BRIP1: variants seen among roughly 807,000 people sequenced by gnomAD.
BRIP1 encodes the protein BRCA1 interacting DNA helicase 1, also known as Fanconi anemia group J protein.
A neutral mutation model predicts 119.7 loss-of-function variants in BRIP1; 88 were observed. The ratio of observed to expected loss-of-function variants is 0.74; its 90% CI spans 0.62 to 0.88. BRIP1 has a LOEUF of 0.88. Ranked by LOEUF, BRIP1 falls within the 40% of genes least tolerant of loss-of-function variation. The probability of loss-of-function intolerance (pLI) is 0.00; values close to 1 mark genes in which losing one functional copy is unlikely to be tolerated. For missense variants in BRIP1, 1,259 were observed against 1,455.4 expected (o/e 0.87, Z 2.20); for synonymous variants, 443 against 496.5 (o/e 0.89, Z 1.43).
At position 61,701,572 on chromosome 17, in the gene BRIP1, C is replaced by G. The variant is rs2061614698; in HGVS notation, c.2493-8060G>C. Among the ~76,000 whole-genome samples, 1 of 152,214 alleles carries G rather than the reference C, an allele frequency of 6.6e-6. No homozygotes were observed. The highest frequency in any genetic ancestry group is 1.5e-5 in the Non-Finnish European group (1 of 68,042). On this transcript the variant is annotated intron_variant, in intron 17 of 19. Transcript: ENST00000259008. The surrounding 1 kb of genome is among the most constrained non-coding windows in gnomAD (Gnocchi z 5.1). The stretch of plus-strand genomic sequence containing the variant: ...GTGATAGCTTAGGGCCTTTTCAGGT[C>G]TTTTCTTAGCATGTCCACATCACTG...
Position 61,744,653 on chromosome 17 carries a change from T to C in BRIP1, c.2098-62A>G. The C allele has an allele frequency of 1.4e-6, 2 of 1,450,904 alleles. No homozygotes were observed. Among genetic ancestry groups the C allele is most frequent in the Non-Finnish European group, 1.9e-6 (2 of 1,033,154 alleles). The allele number at this position is 1,450,904 out of a possible 1,614,324, so 89.9% of individuals were successfully genotyped here. A position where few individuals can be genotyped will look rare whatever the true frequency, so the allele number is the denominator to read the frequency against. ...TCTAGCTAAACAAACTTAACTTCATTTGTTTAAGCCAATGTGACTACGGCA... is the reference window on the plus strand; with the variant it reads ...TCTAGCTAAACAAACTTAACTTCATCTGTTTAAGCCAATGTGACTACGGCA... On this transcript the variant is annotated intron_variant, in intron 14 of 19. Coordinates refer to ENST00000259008, the MANE Select transcript of BRIP1 (RefSeq NM_032043.3). The surrounding 1 kb of genome is among the most constrained non-coding windows in gnomAD (Gnocchi z 5.0).
chr17:61,821,385 T>TG (rs957705501), intron 6 of BRIP1, among the ~76,000 whole-genome samples: 6 of 152,114 alleles, frequency 3.9e-5, no homozygotes, highest in Non-Finnish European at 8.8e-5. Context: ...TTTTGTTACT[T>TG]GGGGGTGGAG....
At position 61,780,419 on chromosome 17, in the gene BRIP1, T is replaced by C. The variant is rs1057524698; in HGVS notation, c.1795-18A>G. The C allele has an allele frequency of 6.3e-7, 1 of 1,597,286 alleles. No homozygotes were observed. The highest frequency in any genetic ancestry group is 8.6e-7 in the Non-Finnish European group (1 of 1,165,060). Reference sequence around the variant, plus strand: ...GAAAAGGCCTAAAAGAAAACAACATTAGATAAATAAAATTATCTTTAGAAG... The same window carrying C: ...GAAAAGGCCTAAAAGAAAACAACATCAGATAAATAAAATTATCTTTAGAAG... On this transcript the variant is annotated intron_variant, in intron 12 of 19. Coordinates refer to ENST00000259008, the MANE Select transcript of BRIP1 (RefSeq NM_032043.3). The surrounding 1 kb of genome is among the most constrained non-coding windows in gnomAD (Gnocchi z 5.4).
rs77285870 is a variant in BRIP1 at position 61,759,300 on chromosome 17, T to C, written c.2098-14709A>G. ...TATACTTACATAAGACAAAATAGACTAAGTCAAATACTGTAAAAAGAAACA... is the reference window on the plus strand; with the variant it reads ...TATACTTACATAAGACAAAATAGACCAAGTCAAATACTGTAAAAAGAAACA... On this transcript the variant is annotated intron_variant, in intron 14 of 19. Transcript: ENST00000259008. The surrounding 1 kb of genome is among the most constrained non-coding windows in gnomAD (Gnocchi z 4.9). 0.055 allele frequency among the ~76,000 whole-genome samples: 8,382 copies of C among 151,994 alleles called. 350 individuals carry two copies. Among genetic ancestry groups the C allele is most frequent in the Non-Finnish European group, 0.091 (6,159 of 67,908 alleles).
In BRIP1 at chr17:61,713,394, C is replaced by T. The variant is rs762146329; in HGVS notation, c.2492+2557G>A. ...AAGGCATTGTTATCACAGGAGATGA[C>T]AGCTCCATGCATGTTATTTATTGGT... On this transcript the variant is annotated intron_variant, in intron 17 of 19. Transcript: ENST00000259008. This position sits in a 1 kb window ranked among gnomAD's most constrained non-coding sequence, Gnocchi z 4.9. Among the ~76,000 whole-genome samples the T allele has an allele frequency of 6.6e-6, 1 of 152,064 alleles. No homozygotes were observed. The highest frequency in any genetic ancestry group is 1.5e-5 in the Non-Finnish European group (1 of 68,016).
intron 14 of BRIP1, among the ~76,000 whole-genome samples, chr17:61,763,866 T>G (rs555595041): frequency 6.6e-6 from 1 of 152,078 alleles, no homozygotes; most frequent in Admixed American, 6.6e-5. Context: ...ATTAAAGAGA[T>G]AAAGTAAGTA....
At position 61,708,889 on chromosome 17, in the gene BRIP1, T is replaced by G. The variant is rs1567750309; in HGVS notation, c.2492+7062A>C. Among the ~76,000 whole-genome samples, 2 of 152,162 alleles carry G rather than the reference T, an allele frequency of 1.3e-5. No individual in the cohort carries two copies. The highest frequency in any genetic ancestry group is 2.9e-5 in the Non-Finnish European group (2 of 68,032). ...GTAGATGTAAGACTGATTGTCAGCCTACTCAGAGCTGAAAAGAAAAGGGGG... is the reference window on the plus strand; with the variant it reads ...GTAGATGTAAGACTGATTGTCAGCCGACTCAGAGCTGAAAAGAAAAGGGGG... On this transcript the variant is annotated intron_variant, in intron 17 of 19. Coordinates refer to ENST00000259008, the MANE Select transcript of BRIP1 (RefSeq NM_032043.3). The surrounding 1 kb of genome is among the most constrained non-coding windows in gnomAD (Gnocchi z 4.4).
rs1385243684 is a variant in BRIP1, at chr17:61,684,271, A to G, written c.2906-131T>C. ...ACATAACTTAGAGCCCCCAACGAAT[A>G]CTAGTGGATTTTCATCTTGGAACAG... On this transcript the variant is annotated intron_variant, in intron 19 of 19. Coordinates refer to ENST00000259008, the MANE Select transcript of BRIP1 (RefSeq NM_032043.3). The surrounding 1 kb of genome is among the most constrained non-coding windows in gnomAD (Gnocchi z 4.5). 3.9e-6 allele frequency: 4 copies of G among 1,021,652 alleles called. No homozygotes were observed. Among genetic ancestry groups the G allele is most frequent in the Non-Finnish European group, 5.6e-6 (4 of 716,410 alleles). 63.3% of individuals were successfully genotyped at this position (1,021,652 alleles called of 1,614,324 possible).
At position 61,846,447 on chromosome 17, in the gene BRIP1, G is replaced by A. The variant is rs1020135325; in HGVS notation, c.627+654C>T. Among the ~76,000 whole-genome samples the A allele has an allele frequency of 1.3e-5, 2 of 151,914 alleles. No individual in the cohort carries two copies. Among genetic ancestry groups the A allele is most frequent in the East Asian group, 3.9e-4 (2 of 5,142 alleles). Reference sequence around the variant, plus strand: ...GTCATCCAGGCTGGAGTGCAGTGTGGTGCAATCTTGGCTCAGTGCACCTTT... The same window carrying A: ...GTCATCCAGGCTGGAGTGCAGTGTGATGCAATCTTGGCTCAGTGCACCTTT... On this transcript the variant is annotated intron_variant, in intron 6 of 19. Coordinates refer to ENST00000259008, the MANE Select transcript of BRIP1 (RefSeq NM_032043.3). This position sits in a 1 kb window ranked among gnomAD's most constrained non-coding sequence, Gnocchi z 4.3.
Position 61,693,649 on chromosome 17 carries a change from C to T in BRIP1, c.2493-137G>A. ...CAATTTGTTATTATCAGAAAAGTTA[C>T]AGAAGCTATCCAACACAATGTAACA... On this transcript the variant is annotated intron_variant, in intron 17 of 19. Coordinates refer to ENST00000259008, the MANE Select transcript of BRIP1 (RefSeq NM_032043.3). The surrounding 1 kb of genome is among the most constrained non-coding windows in gnomAD (Gnocchi z 4.2). 1 of 731,884 alleles carries T rather than the reference C, an allele frequency of 1.4e-6. No homozygotes were observed. Among genetic ancestry groups the T allele is most frequent in the Non-Finnish European group, 2.3e-6 (1 of 431,420 alleles). 45.3% of individuals were successfully genotyped at this position (731,884 alleles called of 1,614,324 possible).
At position 61,782,303 on chromosome 17, in the gene BRIP1, A is replaced by G. The variant is rs1000284968; in HGVS notation, c.1629-1298T>C. Among the ~76,000 whole-genome samples, 17 of 147,236 alleles carry G rather than the reference A, an allele frequency of 1.2e-4. 1 individual carries two copies. The highest frequency in any genetic ancestry group is 6.6e-4 in the South Asian group (3 of 4,564). On this transcript the variant is annotated intron_variant, in intron 11 of 19. Transcript: ENST00000259008. ...CGGGAGGCTGAGGCAGGAGAATGGC[A>G]TGAACCCGGGAGGCTGAGCTTGCAG...
chr17:61,715,871 T>G (rs9901948), intron 17 of BRIP1, 80 bp downstream of exon 17: 1 of 920,186 alleles, frequency 1.1e-6, no homozygotes, highest in African/African-American at 1.7e-5. Flanking sequence ...AAGTTTATTA[T>G]AAAGAGTAAA....
intron 16 of BRIP1, among the ~76,000 whole-genome samples, chr17:61,718,014 G>A (rs1324781656): frequency 6.6e-6 from 1 of 152,064 alleles, no homozygotes; most frequent in Non-Finnish European, 1.5e-5. Context: ...TTTTCAGTAT[G>A]CTTATGTTTT....
In BRIP1 at chr17:61,686,491, C is replaced by T. The variant is rs1470993057; in HGVS notation, c.2576-326G>A. Among the ~76,000 whole-genome samples the T allele has an allele frequency of 6.7e-6, 1 of 150,086 alleles. No individual in the cohort carries two copies. Among genetic ancestry groups the T allele is most frequent in the African/African-American group, 2.4e-5 (1 of 41,068 alleles). On this transcript the variant is annotated intron_variant, in intron 18 of 19. Coordinates refer to ENST00000259008, the MANE Select transcript of BRIP1 (RefSeq NM_032043.3). The surrounding 1 kb of genome is among the most constrained non-coding windows in gnomAD (Gnocchi z 5.4). ...AATTTAATTTCATCATAATTCCCCA[C>T]AAAAATTGCCTTTTTTTTTTGTAGG...
rs936981814 is a variant in BRIP1 at position 61,736,406 on chromosome 17, C to T, written c.2379+6607G>A. Reference sequence around the variant, plus strand: ...TATAGTCAATATAAGATACTCCCTCCACTTATTATGTTCTACTATGTATTA... The same window carrying T: ...TATAGTCAATATAAGATACTCCCTCTACTTATTATGTTCTACTATGTATTA... On this transcript the variant is annotated intron_variant, in intron 16 of 19. Coordinates refer to ENST00000259008, the MANE Select transcript of BRIP1 (RefSeq NM_032043.3). This position sits in a 1 kb window ranked among gnomAD's most constrained non-coding sequence, Gnocchi z 4.4. 2.0e-5 allele frequency among the ~76,000 whole-genome samples: 3 copies of T among 152,082 alleles called. No individual in the cohort carries two copies. Among genetic ancestry groups the T allele is most frequent in the Non-Finnish European group, 4.4e-5 (3 of 68,012 alleles).
In BRIP1 at chr17:61,743,969, G is replaced by A. The variant is rs1315393159; in HGVS notation, c.2257+463C>T. The stretch of plus-strand genomic sequence containing the variant: ...CCCAAAGCGCTAGGATTACAGGCAA[G>A]AGCCACCACGCCCGGCCTCACATCA... On this transcript the variant is annotated intron_variant, in intron 15 of 19. Transcript: ENST00000259008. This position sits in a 1 kb window ranked among gnomAD's most constrained non-coding sequence, Gnocchi z 4.3. 3.3e-5 allele frequency among the ~76,000 whole-genome samples: 5 copies of A among 152,172 alleles called. No individual in the cohort carries two copies. Among genetic ancestry groups the A allele is most frequent in the Non-Finnish European group, 7.3e-5 (5 of 68,032 alleles).
chr17:61,818,554 A>T (rs980849459), intron 6 of BRIP1, among the ~76,000 whole-genome samples: 1 of 152,110 alleles, frequency 6.6e-6, no homozygotes, highest in African/African-American at 2.4e-5. Context: ...AGTATCTAGA[A>T]AAACCAATCT....
At chr17:61,855,528 A>C (rs2078883666) in intron 4 of BRIP1, among the ~76,000 whole-genome samples, 1 of 150,840 alleles carries the variant, frequency 6.6e-6, no homozygotes. Context: ...GCAGTGGGCC[A>C]AGGTCACACC....
rs1330897864 is a variant in BRIP1, at chr17:61,845,219, T to G, written c.627+1882A>C. Among the ~76,000 whole-genome samples the G allele has an allele frequency of 6.6e-6, 1 of 152,180 alleles. No individual in the cohort carries two copies. Among genetic ancestry groups the G allele is most frequent in the Non-Finnish European group, 1.5e-5 (1 of 68,026 alleles). ...TACATAATTTCTCCAACTATTAATA[T>G]AAAGCTTCAGTGAAGATCACCAACA... On this transcript the variant is annotated intron_variant, in intron 6 of 19. Coordinates refer to ENST00000259008, the MANE Select transcript of BRIP1 (RefSeq NM_032043.3). This position sits in a 1 kb window ranked among gnomAD's most constrained non-coding sequence, Gnocchi z 4.2.
Sources: gnomAD v4.1 joint callset for allele counts (sites outside exome capture counted in the v4.1 genomes callset) on GRCh38, gnomAD v4.1.1 for gene constraint, Gnocchi (gnomAD v3.1) non-coding constraint, MANE v1.5 for transcripts, NCBI Gene and HGNC (gene_info 2026-07-23, HGNC 2026-07-21) for gene names.